RPS6KC1: variants seen among roughly 807,000 people sequenced by gnomAD.
RPS6KC1 encodes ribosomal protein S6 kinase C1, also known as inactive ribosomal protein S6 kinase delta-1.
RPS6KC1 carries 54 observed loss-of-function variants against 103.8 expected under a neutral mutation model. That is an observed-to-expected ratio of 0.52 (90% CI 0.42 to 0.65). RPS6KC1 has a LOEUF of 0.65. Ranked by LOEUF, RPS6KC1 falls within the 30% of genes least tolerant of loss-of-function variation. The pLI is 0.00. For synonymous variants in RPS6KC1, 439 were observed against 438.7 expected, an observed-to-expected ratio of 1.00 and a Z score of -0.01; for missense variants, 1,151 against 1,253.8, an observed-to-expected ratio of 0.92 and a Z score of 1.24.
the RPS6KC1 span, among the ~76,000 whole-genome samples, chr1:213,504,283 T>C: frequency 9.2e-5 from 14 of 152,316 alleles, no homozygotes; most frequent in African/African-American, 3.4e-4. Flanking sequence ...TTGTTTTTCT[T>C]TGAGTTTATA....
chr1:213,314,774 T>C, the RPS6KC1 span, among the ~76,000 whole-genome samples: 1 of 151,948 alleles, frequency 6.6e-6, no homozygotes, highest in Non-Finnish European at 1.5e-5. Flanking sequence ...CAGAATAATA[T>C]GATATTTAGT....
At chr1:213,603,209 G>C in the RPS6KC1 span, among the ~76,000 whole-genome samples, 1 of 152,236 alleles carries the variant, frequency 6.6e-6, no homozygotes, top group Non-Finnish European at 1.5e-5. Flanking sequence ...ACAGAGTCAG[G>C]GTTCAGAGCA....
At chr1:213,313,942 G>A in the RPS6KC1 span, among the ~76,000 whole-genome samples, 2 of 152,118 alleles carry the variant, frequency 1.3e-5, no homozygotes, top group Non-Finnish European at 2.9e-5. Context: ...GACAGGCGGA[G>A]ACTCGATTTA....
At chr1:213,534,536 C>CTCT in the RPS6KC1 span, among the ~76,000 whole-genome samples, 1 of 152,164 alleles carries the variant, frequency 6.6e-6, no homozygotes, top group Non-Finnish European at 1.5e-5. Context: ...ATCCTTCAAC[C>CTCT]ACTGCTCTTC....
intron 6 of RPS6KC1, among the ~76,000 whole-genome samples, chr1:213,156,060 C>T (rs1463323352): frequency 6.6e-6 from 1 of 152,156 alleles, no homozygotes; most frequent in Non-Finnish European, 1.5e-5. Context: ...TCAATCTAAT[C>T]CTACCAGGAA....
the RPS6KC1 span, among the ~76,000 whole-genome samples, chr1:213,699,269 T>C: frequency 6.6e-6 from 1 of 152,150 alleles, no homozygotes; most frequent in African/African-American, 2.4e-5. Flanking sequence ...TTAAGTTCAA[T>C]TGTTTCTATT....
At chr1:213,691,929 G>T in the RPS6KC1 span, among the ~76,000 whole-genome samples, 1 of 152,202 alleles carries the variant, frequency 6.6e-6, no homozygotes, top group Non-Finnish European at 1.5e-5. Flanking sequence ...AGAGGCCTGG[G>T]CATTTGCAGA....
the RPS6KC1 span, among the ~76,000 whole-genome samples, chr1:213,721,709 C>A: frequency 1.3e-5 from 2 of 152,188 alleles, no homozygotes; most frequent in Non-Finnish European, 2.9e-5. Context: ...TCTCTGCCTG[C>A]CTTCTATCCT....
At chr1:213,232,944 T>C (rs1558593080) in intron 10 of RPS6KC1, among the ~76,000 whole-genome samples, 1 of 152,210 alleles carries the variant, frequency 6.6e-6, no homozygotes, top group Non-Finnish European at 1.5e-5. Context: ...TAATACATAT[T>C]GCCATTTGGC....
chr1:213,586,664 C>T, the RPS6KC1 span, among the ~76,000 whole-genome samples: 1 of 152,226 alleles, frequency 6.6e-6, no homozygotes, highest in Admixed American at 6.5e-5. Flanking sequence ...AAGCTCCAGG[C>T]TCTTCATCCT....
At chr1:213,520,677 A>C in the RPS6KC1 span, among the ~76,000 whole-genome samples, 3 of 152,130 alleles carry the variant, frequency 2.0e-5, no homozygotes, top group Non-Finnish European at 2.9e-5. Context: ...AACCCATGAG[A>C]AGATAAGGCA....
At chr1:213,087,110 T>C (rs920162361) in intron 3 of RPS6KC1, among the ~76,000 whole-genome samples, 7 of 151,742 alleles carry the variant, frequency 4.6e-5, no homozygotes, top group African/African-American at 1.7e-4. Flanking sequence ...CACTTTACCT[T>C]TTTTTTTACA....
the RPS6KC1 span, among the ~76,000 whole-genome samples, chr1:213,390,592 TC>T: frequency 6.6e-6 from 1 of 152,202 alleles, no homozygotes; most frequent in African/African-American, 2.4e-5. Context: ...GGCTGGAGGA[TC>T]ACTTCTGAGT....
chr1:213,481,839 T>C, the RPS6KC1 span, among the ~76,000 whole-genome samples: 1 of 152,224 alleles, frequency 6.6e-6, no homozygotes, highest in South Asian at 2.1e-4. Context: ...TCATGTTGAA[T>C]TGTAATCCGT....
chr1:213,530,063 TTATTATAC>T, the RPS6KC1 span, among the ~76,000 whole-genome samples: 5 of 119,186 alleles, frequency 4.2e-5, no homozygotes, highest in East Asian at 3.2e-4. Flanking sequence ...ATTATTATTA[TTATTATAC>T]GATAAGTTTT....
At chr1:213,334,826 T>C in the RPS6KC1 span, among the ~76,000 whole-genome samples, 1 of 152,194 alleles carries the variant, frequency 6.6e-6, no homozygotes, top group Non-Finnish European at 1.5e-5. Flanking sequence ...TATCTATCCA[T>C]TTCCTGTATC....
the RPS6KC1 span, among the ~76,000 whole-genome samples, chr1:213,385,326 C>G: frequency 3.3e-5 from 5 of 152,106 alleles, no homozygotes; most frequent in East Asian, 7.7e-4. Flanking sequence ...ATTATTATTC[C>G]CATTCTACAG....
the RPS6KC1 span, among the ~76,000 whole-genome samples, chr1:213,712,211 C>A: frequency 6.6e-6 from 1 of 152,178 alleles, no homozygotes; most frequent in Non-Finnish European, 1.5e-5. Flanking sequence ...AGATGCCCTG[C>A]CCAGAGAGGA....
intron 1 of RPS6KC1, among the ~76,000 whole-genome samples, chr1:213,068,230 A>T (rs948027611): frequency 3.9e-5 from 6 of 152,130 alleles, no homozygotes; most frequent in Admixed American, 2.0e-4. Context: ...TCACGCCTGT[A>T]ATCCCAGCAC....
Sources: allele counts gnomAD v4.1 joint callset (sites outside exome capture counted in the v4.1 genomes callset), GRCh38; gene constraint gnomAD v4.1.1; transcripts MANE v1.5; gene names NCBI Gene and HGNC (gene_info 2026-07-23, HGNC 2026-07-21).